The following RYR2 variants were observed in gnomAD, a reference collection of about 807,000 sequenced individuals.
RYR2 encodes the protein ryanodine receptor 2, also known as cardiac muscle ryanodine receptor-calcium release channel.
In RYR2, 227 loss-of-function variants were observed where a neutral mutation model predicts 601.1. The ratio of observed to expected loss-of-function variants is 0.38; its 90% CI spans 0.34 to 0.42. The LOEUF (loss-of-function observed/expected upper bound fraction) is 0.42, where lower values mean the gene tolerates loss of function less well. Ranked by LOEUF, RYR2 falls within the 10% of genes least tolerant of loss-of-function variation. RYR2 has a pLI of 1.00. For missense variants in RYR2, 4,646 were observed against 6,156.5 expected, an observed-to-expected ratio of 0.75 and a Z score of 8.21; for synonymous variants, 2,223 against 2,175.1, an observed-to-expected ratio of 1.02 and a Z score of -0.61.
In RYR2 at chr1:237,792,382, C is replaced by CGTGCGT. The variant is rs1658526881; in HGVS notation, c.13782+62_13782+63insCGTGTG. On this transcript the variant is annotated intron_variant, in intron 94 of 104. Coordinates refer to ENST00000366574, the MANE Select transcript of RYR2 (RefSeq NM_001035.3). ...GTGTGTGTGTGTGTGTGTGTGTGTG[C>CGTGCGT]GTGTGTGTGTGTGTGCGTGTGTGTG... 6.0e-6 allele frequency: 4 copies of CGTGCGT among 667,040 alleles called. No individual in the cohort carries two copies. In the African/African-American group the frequency reaches 7.1e-5, roughly 12 times the overall value. 41.3% of individuals were successfully genotyped at this position (667,040 alleles called of 1,614,324 possible).
intron 14 of RYR2, among the ~76,000 whole-genome samples, chr1:237,448,767 A>G (rs1057016618): frequency 1.3e-5 from 2 of 152,066 alleles, no homozygotes; most frequent in Non-Finnish European, 2.9e-5. Flanking sequence ...TTTCTATGAC[A>G]TGTACTTTGT....
At chr1:237,543,838 C>G (rs756435735) in intron 25 of RYR2, among the ~76,000 whole-genome samples, 1 of 152,102 alleles carries the variant, frequency 6.6e-6, no homozygotes, top group African/African-American at 2.4e-5. Context: ...GGAATACCTG[C>G]TTAGGAAAAA....
intron 41 of RYR2, among the ~76,000 whole-genome samples, chr1:237,628,332 T>G (rs1051444575): frequency 6.6e-6 from 1 of 151,622 alleles, no homozygotes; most frequent in Admixed American, 6.6e-5. Flanking sequence ...AACTCGTCAT[T>G]TAGCATTAGG....
At chr1:237,720,928 A>T (rs1689669323) in intron 73 of RYR2, among the ~76,000 whole-genome samples, 1 of 152,234 alleles carries the variant, frequency 6.6e-6, no homozygotes, top group East Asian at 1.9e-4. Context: ...GAGAGCAAAA[A>T]AGGAAACATT....
rs1318484617 is a variant in RYR2, at chr1:237,446,865, G to A, written c.1292+1343G>A. ...ATTTGTATTCTTGTAGTTTAATATA[G>A]TATTTATTTCTTACAGTAAAAATTT... On this transcript the variant is annotated intron_variant, in intron 14 of 104. Coordinates refer to ENST00000366574, the MANE Select transcript of RYR2 (RefSeq NM_001035.3). Among the ~76,000 whole-genome samples the A allele has an allele frequency of 2.6e-5, 4 of 151,994 alleles. No homozygotes were observed. In the South Asian group the frequency reaches 8.3e-4, roughly 32 times the overall value.
At chr1:237,828,171 G>A (rs1663378345) in intron 101 of RYR2, among the ~76,000 whole-genome samples, 1 of 152,118 alleles carries the variant, frequency 6.6e-6, no homozygotes, top group Non-Finnish European at 1.5e-5. Context: ...TTCAGTGAGT[G>A]TATGTCCCAG....
intron 80 of RYR2, among the ~76,000 whole-genome samples, chr1:237,752,563 A>C (rs1281325092): frequency 6.6e-6 from 1 of 152,160 alleles, no homozygotes; most frequent in Non-Finnish European, 1.5e-5. Context: ...AAATGTAGCT[A>C]ATCTACATTT....
chr1:237,515,445 T>C (rs1216794682), intron 24 of RYR2, among the ~76,000 whole-genome samples: 1 of 152,332 alleles, frequency 6.6e-6, no homozygotes, highest in East Asian at 1.9e-4. Context: ...GATGATGTAG[T>C]GTGCTTGTGC....
intron 1 of RYR2, among the ~76,000 whole-genome samples, chr1:237,182,822 A>G (rs1038605868): frequency 1.2e-4 from 18 of 152,352 alleles, no homozygotes; most frequent in South Asian, 4.1e-4. Context: ...AAGTAGCCAG[A>G]GGCCAGACAT....
intron 44 of RYR2, 86 bp downstream of exon 44, chr1:237,635,078 G>A: frequency 9.3e-7 from 1 of 1,072,514 alleles, no homozygotes; most frequent in Non-Finnish European, 1.3e-6. Flanking sequence ...TAAGGTTGGT[G>A]CAGAAGTCAT....
In RYR2 at chr1:237,566,724, G is replaced by A. The variant is rs368017980; in HGVS notation, c.3372G>A (p.Pro1124=). 93 of 1,613,848 alleles carry A rather than the reference G, an allele frequency of 5.8e-5. No homozygotes were observed. The highest frequency in any genetic ancestry group is 8.3e-5 in the Admixed American group (5 of 59,996). The change falls in exon 28 of 105, where the codon CCG becomes CCA. Residue 1124 remains proline (P), a synonymous_variant. Transcript: ENST00000366574. The part of the protein sequence containing the change: ...RVGWSRPGCQ[P]DQELGSDERA... ...GTTGGAGTCGTCCTGGTTGTCAACC[G>A]GATCAGGAGCTTGGCTCAGATGAAC... is the stretch of plus-strand genomic sequence containing the variant.
At position 237,649,888 on chromosome 1, in the gene RYR2, T is replaced by C. The variant is rs2148796054; in HGVS notation, c.7524T>C (p.Ser2508=). 17 of 1,613,686 alleles carry C rather than the reference T, an allele frequency of 1.1e-5. No individual in the cohort carries two copies. The highest frequency in any genetic ancestry group is 1.4e-5 in the Non-Finnish European group (17 of 1,179,788). ...TGATTCTTTTTCAGGCAGCTTTGAG[T>C]GCTACAGACATGGCCTTGGCCCTCA... ...AAASLDTAAL[S]ATDMALALNR... The change falls in exon 50 of 105, where the codon AGT becomes AGC. Residue 2508 remains serine (S), a synonymous_variant. Transcript: ENST00000366574.
chr1:237,177,611 T>G (rs564462861), intron 1 of RYR2, among the ~76,000 whole-genome samples: 2 of 152,360 alleles, frequency 1.3e-5, no homozygotes, highest in Non-Finnish European at 2.9e-5. Context: ...TTGATCCACA[T>G]TGATGTTTAT....
At chr1:237,131,128 G>T (rs1672122764) in intron 1 of RYR2, among the ~76,000 whole-genome samples, 1 of 152,136 alleles carries the variant, frequency 6.6e-6, no homozygotes. Context: ...CAGGAATACT[G>T]AGAAAAGATA....
In RYR2 at chr1:237,654,285, T is replaced by C; in HGVS notation, c.7836T>C (p.Asn2612=). 6.2e-7 allele frequency: 1 copy of C among 1,613,804 alleles called. No homozygotes were observed. The highest frequency in any genetic ancestry group is 8.5e-7 in the Non-Finnish European group (1 of 1,179,790). Residue 2612 remains asparagine (N), a synonymous_variant, in exon 52 of 105, where the codon AAT becomes AAC. Coordinates refer to ENST00000366574, the MANE Select transcript of RYR2 (RefSeq NM_001035.3). ...HAKMPLKLLT[N]HYERCWKYYC... is the part of the protein sequence containing the mutation. ...GTTTTCCCACATAGCTGCTGACAAA[T>C]CATTATGAAAGATGCTGGAAATATT... is the stretch of plus-strand genomic sequence containing the variant.
rs1379802732 is a variant in RYR2 at position 237,819,268 on chromosome 1, A to C, written c.14590+76A>C. 2.9e-6 allele frequency: 4 copies of C among 1,398,156 alleles called. No individual in the cohort carries two copies. Among genetic ancestry groups the C allele is most frequent in the Non-Finnish European group, 4.0e-6 (4 of 1,000,870 alleles). 86.6% of individuals were successfully genotyped at this position (1,398,156 alleles called of 1,614,324 possible). A position where few individuals can be genotyped will look rare whatever the true frequency, so the allele number is the denominator to read the frequency against. The stretch of plus-strand genomic sequence containing the variant: ...TGTTGCTGAAGTTAATATTCAAGGT[A>C]GGGTAATGACGTCAAGTGTTTCCTG... On this transcript the variant is annotated intron_variant, in intron 101 of 104. Transcript: ENST00000366574. This position sits in a 1 kb window ranked among gnomAD's most constrained non-coding sequence, Gnocchi z 4.0.
chr1:237,058,017 T>G (rs1662382458), intron 1 of RYR2, among the ~76,000 whole-genome samples: 1 of 152,196 alleles, frequency 6.6e-6, no homozygotes, highest in African/African-American at 2.4e-5. Context: ...TTGTTTGCAA[T>G]TTGCAGTGGT....
intron 5 of RYR2, among the ~76,000 whole-genome samples, chr1:237,365,879 G>A (rs1264501545): frequency 6.6e-6 from 1 of 152,222 alleles, no homozygotes; most frequent in African/African-American, 2.4e-5. Flanking sequence ...TGTAGAATTA[G>A]TTAAAAGCAG....
intron 8 of RYR2, among the ~76,000 whole-genome samples, chr1:237,384,612 A>G (rs1270031837): frequency 2.6e-5 from 4 of 152,238 alleles, no homozygotes; most frequent in Non-Finnish European, 5.9e-5. Flanking sequence ...AATTTTTGGT[A>G]TGTTTTAAAT....
Sources: gnomAD v4.1 joint callset for allele counts (sites outside exome capture counted in the v4.1 genomes callset) on GRCh38, gnomAD v4.1.1 for gene constraint, Gnocchi (gnomAD v3.1) non-coding constraint, MANE v1.5 for transcripts, NCBI Gene and HGNC (gene_info 2026-07-23, HGNC 2026-07-21) for gene names.